IDO2: variants seen among roughly 807,000 people sequenced by gnomAD.
IDO2 encodes the protein indoleamine 2,3-dioxygenase 2, also known as indoleamine 2,3-dioxygenase-like 1 protein.
A neutral mutation model predicts 45.1 loss-of-function variants in IDO2; 46 were observed. That is an observed-to-expected ratio of 1.02 (90% CI 0.80 to 1.30). IDO2 has a LOEUF of 1.30. IDO2 is among the 50% of genes most tolerant of loss of function. IDO2 has a pLI of 0.00. For missense variants in IDO2, 544 were observed against 491.8 expected (o/e 1.11, Z -1.00); for synonymous variants, 218 against 184.9 (o/e 1.18, Z -1.45).
At chr8:39,985,558 C>A in intron 6 of IDO2, 36 bp downstream of exon 6, 1 of 1,532,552 alleles carries the variant, frequency 6.5e-7, no homozygotes, top group Non-Finnish European at 8.8e-7. Flanking sequence ...ACTTTAGAAT[C>A]CAGGCCAAAT....
intron 8 of IDO2, chr8:39,998,056 C>A (rs1802077658): frequency 4.3e-6 from 1 of 232,364 alleles, no homozygotes; most frequent in Non-Finnish European, 9.0e-6. Flanking sequence ...CCTTTCACAG[C>A]CTTTCTGAGT....
intron 9 of IDO2, among the ~76,000 whole-genome samples, 166 bp downstream of exon 9, chr8:40,005,544 T>C (rs1802208586): frequency 6.6e-6 from 1 of 152,184 alleles, no homozygotes; most frequent in East Asian, 1.9e-4. Flanking sequence ...GCACAACAAA[T>C]AACACTGAGG....
At chr8:39,996,939 A>G (rs926850037) in intron 8 of IDO2, among the ~76,000 whole-genome samples, 4 of 152,224 alleles carry the variant, frequency 2.6e-5, no homozygotes, top group Non-Finnish European at 5.9e-5. Context: ...AAACGCCGCT[A>G]ATTGGCACCA....
chr8:40,000,080 G>T (rs1284981624), intron 8 of IDO2, among the ~76,000 whole-genome samples: 1 of 152,020 alleles, frequency 6.6e-6, no homozygotes, highest in Admixed American at 6.6e-5. Flanking sequence ...TTAATTTAAG[G>T]TGATTATAAA....
chr8:39,946,033 A>C (rs1807722643), intron 1 of IDO2, among the ~76,000 whole-genome samples: 1 of 152,196 alleles, frequency 6.6e-6, no homozygotes, highest in South Asian at 2.1e-4. Context: ...AACATTAGCC[A>C]CAAGATTAGA....
chr8:39,993,321 C>T (rs1013888094), intron 8 of IDO2, among the ~76,000 whole-genome samples: 3 of 151,876 alleles, frequency 2.0e-5, no homozygotes, highest in Non-Finnish European at 2.9e-5. Flanking sequence ...ATATTTTTCT[C>T]CCCAAAAAGC....
rs1485873660 is a variant in IDO2 at position 39,935,052 on chromosome 8, T to C, written c.-184T>C. Reference sequence around the variant, plus strand: ...GAAACATCCTCCTACACTGGAGCTTTATAAATATTTTAAAGACAAGGATTG... The same window carrying C: ...GAAACATCCTCCTACACTGGAGCTTCATAAATATTTTAAAGACAAGGATTG... On this transcript the variant is annotated 5_prime_UTR_variant, in exon 1 of 11. Coordinates refer to ENST00000502986, the Ensembl canonical transcript of IDO2. 4 of 823,080 alleles carry C rather than the reference T, an allele frequency of 4.9e-6. No homozygotes were observed. In the African/African-American group the frequency reaches 6.7e-5, roughly 14 times the overall value. 51.0% of individuals were successfully genotyped at this position (823,080 alleles called of 1,614,324 possible). A position where few individuals can be genotyped will look rare whatever the true frequency, so the allele number is the denominator to read the frequency against.
At chr8:39,988,167 A>C (rs976286751) in intron 7 of IDO2, among the ~76,000 whole-genome samples, 197 bp downstream of exon 7, 7 of 152,192 alleles carry the variant, frequency 4.6e-5, no homozygotes, top group Non-Finnish European at 4.4e-5. Flanking sequence ...AAAACTCGGA[A>C]TGGACCTTTT....
At position 39,985,292 on chromosome 8, in the gene IDO2, G is replaced by A. The variant is rs971471998; in HGVS notation, c.435-216G>A. On this transcript the variant is annotated intron_variant, in intron 5 of 10. Transcript: ENST00000502986. ...GGGCTGGAATGTGAGTGGAAATGTC[G>A]CTCACCCTTTATCACATAGCACCCC... 54 of 563,104 alleles carry A rather than the reference G, an allele frequency of 9.6e-5. 1 individual carries two copies. In the South Asian group the frequency reaches 1.2e-3, roughly 12 times the overall value. The allele number at this position is 563,104 out of a possible 1,614,324, so 34.9% of individuals were successfully genotyped here.
rs187598097 is a variant in IDO2 at position 39,975,467 on chromosome 8, A to G, written c.196-3600A>G. Among the ~76,000 whole-genome samples the G allele has an allele frequency of 5.9e-5, 9 of 152,318 alleles. No homozygotes were observed. In the East Asian group the frequency reaches 1.7e-3, roughly 29 times the overall value. ...GATTGGAAAAACAACCAAATAAAAA[A>G]CAATGTTCAACAGACATTTTGTGGA... On this transcript the variant is annotated intron_variant, in intron 3 of 10. Transcript: ENST00000502986.
intron 5 of IDO2, among the ~76,000 whole-genome samples, chr8:39,983,827 T>G (rs1266256947): frequency 1.3e-5 from 2 of 150,862 alleles, no homozygotes; most frequent in Non-Finnish European, 2.9e-5. Flanking sequence ...ATCATGCCAT[T>G]GCACTCCAGC....
rs756619205 is a variant in IDO2 at position 39,949,208 on chromosome 8, T to A, written c.43T>A (p.Ser15Thr). The A allele has an allele frequency of 1.9e-6, 3 of 1,607,972 alleles. No individual in the cohort carries two copies. In the African/African-American group the frequency reaches 4.0e-5, roughly 21 times the overall value. The change falls in exon 2 of 11, where the codon TCT (serine) becomes ACT (threonine). Residue 15 changes from serine (S) to threonine (T), a missense_variant. Transcript: ENST00000502986. ...GAATGTGAAGACAGCAGTGCCATTGTCTTTGGAAAGCTATCACATATCTGA... is the reference window on the plus strand; with the variant it reads ...GAATGTGAAGACAGCAGTGCCATTGACTTTGGAAAGCTATCACATATCTGA...
At chr8:39,969,320 C>T (rs1398863731) in intron 3 of IDO2, among the ~76,000 whole-genome samples, 1 of 151,790 alleles carries the variant, frequency 6.6e-6, no homozygotes, top group Non-Finnish European at 1.5e-5. Context: ...TTACAGTGAT[C>T]TGTGATCAGT....
intron 3 of IDO2, among the ~76,000 whole-genome samples, chr8:39,970,239 G>A (rs1808158217): frequency 6.6e-6 from 1 of 152,192 alleles, no homozygotes; most frequent in Admixed American, 6.5e-5. Context: ...GCAGAATCTG[G>A]TTCATGAAGT....
intron 1 of IDO2, among the ~76,000 whole-genome samples, chr8:39,941,686 G>C (rs1347252298): frequency 2.0e-5 from 3 of 151,904 alleles, no homozygotes; most frequent in Non-Finnish European, 2.9e-5. Context: ...TAGAGAAATG[G>C]CTCATTAATG....
intron 3 of IDO2, among the ~76,000 whole-genome samples, chr8:39,965,503 C>CA (rs1808071252): frequency 6.8e-6 from 1 of 146,158 alleles, no homozygotes; most frequent in Admixed American, 7.2e-5. Flanking sequence ...CAAAACAAAA[C>CA]AAACAAACAA....
At chr8:39,991,786 G>A (rs1037714610) in intron 8 of IDO2, among the ~76,000 whole-genome samples, 1 of 152,078 alleles carries the variant, frequency 6.6e-6, no homozygotes, top group Non-Finnish European at 1.5e-5. Context: ...GGCCAGGCTG[G>A]TCTCGAACTC....
chr8:39,995,701 T>G (rs1348213681), intron 8 of IDO2, among the ~76,000 whole-genome samples: 2 of 152,246 alleles, frequency 1.3e-5, no homozygotes, highest in Non-Finnish European at 2.9e-5. Flanking sequence ...TTCATTAGTT[T>G]GTAGCACTAC....
chr8:39,967,092 T>C (rs773457562), intron 3 of IDO2, among the ~76,000 whole-genome samples: 3 of 152,124 alleles, frequency 2.0e-5, no homozygotes, highest in Non-Finnish European at 4.4e-5. Context: ...AAAAAATATA[T>C]ATAGTGACTT....
Sources: allele counts gnomAD v4.1 joint callset (sites outside exome capture counted in the v4.1 genomes callset), GRCh38; gene constraint gnomAD v4.1.1; transcripts MANE v1.5; gene names NCBI Gene and HGNC (gene_info 2026-07-23, HGNC 2026-07-21).